BEND6: variants seen among roughly 807,000 people sequenced by gnomAD.
BEND6 encodes BEN domain containing 6, also known as BEN domain-containing protein 6.
Under a neutral mutation model 31.8 loss-of-function variants are expected in BEND6, and 24 were observed. The ratio of observed to expected loss-of-function variants is 0.75; its 90% CI spans 0.55 to 1.06. The LOEUF is 1.06. BEND6 is among the 50% of genes least tolerant of loss of function. The pLI, the probability that BEND6 is intolerant of heterozygous loss-of-function variation, is 0.00. For missense variants in BEND6, 294 were observed against 327.4 expected, an observed-to-expected ratio of 0.90 and a Z score of 0.79; for synonymous variants, 109 against 114.6, an observed-to-expected ratio of 0.95 and a Z score of 0.31.
chr6:56,957,917 G>C (rs948407998), intron 1 of BEND6, among the ~76,000 whole-genome samples: 20 of 152,144 alleles, frequency 1.3e-4, no homozygotes, highest in Admixed American at 9.2e-4. Flanking sequence ...TTAAAATATT[G>C]TGTTAACTCT....
At chr6:57,012,045 A>T (rs1032765547) in intron 3 of BEND6, among the ~76,000 whole-genome samples, 8 of 152,150 alleles carry the variant, frequency 5.3e-5, no homozygotes, top group Non-Finnish European at 1.2e-4. Flanking sequence ...GGATCGCTTG[A>T]ACCTGGGAGG....
intron 1 of BEND6, among the ~76,000 whole-genome samples, chr6:56,965,703 T>C (rs951590957): frequency 1.4e-5 from 2 of 146,160 alleles, no homozygotes; most frequent in Admixed American, 1.4e-4. Flanking sequence ...TATATATATA[T>C]GCGATATTAA....
intron 2 of BEND6, among the ~76,000 whole-genome samples, chr6:56,983,466 A>C (rs1826139926): frequency 6.6e-6 from 1 of 152,092 alleles, no homozygotes; most frequent in Non-Finnish European, 1.5e-5. Flanking sequence ...CTCTCCTCTA[A>C]GCCCCATCTG....
Position 56,955,365 on chromosome 6 carries a change from G to C in BEND6, c.-196G>C, listed in dbSNP as rs12154043. 2 of 152,160 alleles carry C rather than the reference G, an allele frequency of 1.3e-5. No individual in the cohort carries two copies. The highest frequency in any genetic ancestry group is 2.4e-5 in the African/African-American group (1 of 41,396). 9.4% of individuals were successfully genotyped at this position (152,160 alleles called of 1,614,324 possible). A position where few individuals can be genotyped will look rare whatever the true frequency, so the allele number is the denominator to read the frequency against. On this transcript the variant is annotated 5_prime_UTR_variant, in exon 1 of 7. Transcript: ENST00000370746. ...GCGCCAAGGAGCCAGGGGGAAAACC[G>C]AGAGGCGCTGACAGGAGCCTCCCGG...
At chr6:56,966,147 G>C (rs1466704189) in intron 1 of BEND6, among the ~76,000 whole-genome samples, 3 of 152,070 alleles carry the variant, frequency 2.0e-5, no homozygotes, top group Admixed American at 2.0e-4. Context: ...TGTCACCCAG[G>C]CTGGAGTGCA....
At chr6:56,976,987 T>G (rs780708217) in intron 1 of BEND6, among the ~76,000 whole-genome samples, 1 of 152,182 alleles carries the variant, frequency 6.6e-6, no homozygotes, top group Non-Finnish European at 1.5e-5. Flanking sequence ...TCAGAAAAAT[T>G]AGGAAATTTA....
Position 57,001,910 on chromosome 6 carries a change from A to G in BEND6, c.298+9355A>G, listed in dbSNP as rs188285033. Among the ~76,000 whole-genome samples the G allele has an allele frequency of 5.4e-3, 817 of 152,372 alleles. 15 individuals are homozygous for G. The highest frequency in any genetic ancestry group is 0.013 in the South Asian group (65 of 4,828). The stretch of plus-strand genomic sequence containing the variant: ...ATATCAGTATTAACTTTGAATGTTA[A>G]TGGTCTAAATGCCCCACTTAAAAGG... On this transcript the variant is annotated intron_variant, in intron 3 of 6. Transcript: ENST00000370746.
In BEND6 at chr6:57,015,344, T is replaced by C. The variant is rs1261893052; in HGVS notation, c.510T>C (p.Asp170=). Reference sequence around the variant, plus strand: ...AGCCTGAGGAAGAGCATCAGACTGATGAGAAACAGGTCAGTTGTAATACCC... The same window carrying C: ...AGCCTGAGGAAGAGCATCAGACTGACGAGAAACAGGTCAGTTGTAATACCC... ...SLKPEEEHQT[D]EKQFQIEKWQ... Residue 170 remains aspartate (D), a synonymous_variant, in exon 4 of 7, where the codon GAT becomes GAC. Coordinates refer to ENST00000370746, the MANE Select transcript of BEND6 (RefSeq NM_152731.3). 2 of 1,612,884 alleles carry C rather than the reference T, an allele frequency of 1.2e-6. No individual in the cohort carries two copies. Among genetic ancestry groups the C allele is most frequent in the South Asian group, 2.2e-5 (2 of 91,012 alleles).
intron 6 of BEND6, among the ~76,000 whole-genome samples, chr6:57,019,287 C>T (rs527502163): frequency 6.6e-6 from 1 of 152,280 alleles, no homozygotes; most frequent in South Asian, 2.1e-4. Flanking sequence ...CTGGCTAGCT[C>T]ACTTTTACTT....
chr6:56,982,835 A>G (rs1225698468), intron 2 of BEND6, among the ~76,000 whole-genome samples: 1 of 152,150 alleles, frequency 6.6e-6, no homozygotes, highest in African/African-American at 2.4e-5. Flanking sequence ...TCAAATATGA[A>G]TATACATTCT....
At chr6:56,978,718 C>G (rs1399744306) in intron 1 of BEND6, among the ~76,000 whole-genome samples, 2 of 152,186 alleles carry the variant, frequency 1.3e-5, no homozygotes, top group African/African-American at 4.8e-5. Flanking sequence ...ATTTTGATAG[C>G]TTAGCAGTGG....
intron 2 of BEND6, among the ~76,000 whole-genome samples, chr6:56,990,483 G>C (rs12203847): frequency 6.6e-6 from 1 of 152,090 alleles, no homozygotes; most frequent in Non-Finnish European, 1.5e-5. Flanking sequence ...CTGCGCTGAA[G>C]AGATCTGCCT....
chr6:57,017,616 C>T (rs2127892623), intron 5 of BEND6, among the ~76,000 whole-genome samples: 1 of 152,116 alleles, frequency 6.6e-6, no homozygotes. Flanking sequence ...TTTTATATCA[C>T]CAAAAGGTTT....
At chr6:56,973,054 C>T (rs901324043) in intron 1 of BEND6, among the ~76,000 whole-genome samples, 2 of 152,124 alleles carry the variant, frequency 1.3e-5, no homozygotes, top group Admixed American at 6.5e-5. Context: ...CCTGGATTTA[C>T]TGAAAGTGTG....
At chr6:56,964,757 A>C (rs938518038) in intron 1 of BEND6, among the ~76,000 whole-genome samples, 45 of 152,152 alleles carry the variant, frequency 3.0e-4, no homozygotes, top group Non-Finnish European at 3.8e-4. Context: ...TCTGTCTCCC[A>C]AGTATTGGGA....
chr6:56,961,712 G>A (rs1825293228), intron 1 of BEND6, among the ~76,000 whole-genome samples: 1 of 152,158 alleles, frequency 6.6e-6, no homozygotes, highest in African/African-American at 2.4e-5. Context: ...ATTAGTATTA[G>A]GTTCCCAGAA....
chr6:56,973,480 A>T (rs975968611), intron 1 of BEND6, among the ~76,000 whole-genome samples: 4 of 152,186 alleles, frequency 2.6e-5, no homozygotes, highest in Non-Finnish European at 5.9e-5. Context: ...TTAATTTATT[A>T]ATTAGGCACA....
chr6:57,017,158 C>T (rs942502569), intron 4 of BEND6, 49 bp from the exon 5 acceptor site: 2 of 1,409,550 alleles, frequency 1.4e-6, no homozygotes, highest in Non-Finnish European at 1.9e-6. Context: ...ACATATTTCT[C>T]CATACAGCAC....
chr6:56,988,932 G>A lies in BEND6; in HGVS notation c.121-3446G>A, dbSNP rs113027616. Among the ~76,000 whole-genome samples the A allele has an allele frequency of 5.2e-3, 797 of 152,292 alleles. 8 individuals carry two copies. The highest frequency in any genetic ancestry group is 0.018 in the African/African-American group (762 of 41,556). ...TGAAATCCCAGCTACTCAAGAGGCTGAGGCAGGAGGATCACTTGAACCAGG... is the reference window on the plus strand; with the variant it reads ...TGAAATCCCAGCTACTCAAGAGGCTAAGGCAGGAGGATCACTTGAACCAGG... On this transcript the variant is annotated intron_variant, in intron 2 of 6. Transcript: ENST00000370746.
Sources: gnomAD v4.1 joint callset for allele counts (sites outside exome capture counted in the v4.1 genomes callset) on GRCh38, gnomAD v4.1.1 for gene constraint, MANE v1.5 for transcripts, NCBI Gene and HGNC (gene_info 2026-07-23, HGNC 2026-07-21) for gene names.